Variants in XKR6 observed in about 807,000 individuals in gnomAD.
The protein encoded by XKR6 is XK-related protein 6.
XKR6 carries 22 observed loss-of-function variants against 56.7 expected under a neutral mutation model. That is an observed-to-expected ratio of 0.39 (90% CI 0.28 to 0.55). The LOEUF is 0.55. XKR6 is among the 20% of genes least tolerant of loss of function. The probability of loss-of-function intolerance (pLI) is 0.66; values close to 1 mark genes in which losing one functional copy is unlikely to be tolerated. For missense variants in XKR6, 852 were observed against 889.0 expected (o/e 0.96, Z 0.53); for synonymous variants, 524 against 387.8 (o/e 1.35, Z -4.13).
chr8:11,163,392 C>G (rs1801916187), intron 1 of XKR6, among the ~76,000 whole-genome samples: 1 of 150,034 alleles, frequency 6.7e-6, no homozygotes, highest in Non-Finnish European at 1.5e-5. Flanking sequence ...ACATCAGAGA[C>G]TTTATCTCTT....
At chr8:11,164,032 C>T (rs987251363) in intron 1 of XKR6, among the ~76,000 whole-genome samples, 15 of 152,170 alleles carry the variant, frequency 9.9e-5, no homozygotes, top group Non-Finnish European at 1.5e-5. Flanking sequence ...TGGGGGGCCA[C>T]TCTCATGCTG....
chr8:10,904,610 G>A (rs573729849), intron 2 of XKR6, among the ~76,000 whole-genome samples: 68 of 152,126 alleles, frequency 4.5e-4, no homozygotes, highest in Non-Finnish European at 8.7e-4. Context: ...GAGGTGCCAC[G>A]GAAGGGGTCA....
chr8:11,046,044 T>A (rs888552899), intron 1 of XKR6, among the ~76,000 whole-genome samples: 16 of 152,194 alleles, frequency 1.1e-4, no homozygotes, highest in African/African-American at 2.6e-4. Context: ...TCAAAAAAGT[T>A]AAACAGAGAA....
intron 1 of XKR6, among the ~76,000 whole-genome samples, chr8:11,122,374 G>C (rs1169654348): frequency 1.3e-5 from 2 of 152,214 alleles, no homozygotes; most frequent in African/African-American, 2.4e-5. Flanking sequence ...ACACTAACCA[G>C]AGATAGAATA....
At chr8:11,076,089 T>C (rs1800267107) in intron 1 of XKR6, among the ~76,000 whole-genome samples, 1 of 152,192 alleles carries the variant, frequency 6.6e-6, no homozygotes, top group Non-Finnish European at 1.5e-5. Flanking sequence ...CGAACCTCGA[T>C]GATAGTATGC....
chr8:11,171,442 A>G (rs140089141), intron 1 of XKR6, among the ~76,000 whole-genome samples: 6 of 152,344 alleles, frequency 3.9e-5, no homozygotes, highest in African/African-American at 1.4e-4. Flanking sequence ...TTGAAATTTC[A>G]TCTCCAGTAC....
At chr8:10,992,507 C>T (rs1450233144) in intron 1 of XKR6, among the ~76,000 whole-genome samples, 1 of 152,160 alleles carries the variant, frequency 6.6e-6, no homozygotes, top group Non-Finnish European at 1.5e-5. Flanking sequence ...TTCCTTCAGA[C>T]AGTGAGAAAC....
intron 1 of XKR6, among the ~76,000 whole-genome samples, chr8:10,999,457 A>G (rs973060324): frequency 4.9e-4 from 75 of 152,370 alleles, no homozygotes; most frequent in African/African-American, 1.8e-3. Context: ...GTTTCTGGAT[A>G]GTGGACTTAC....
chr8:11,145,000 A>T (rs974652916), intron 1 of XKR6, among the ~76,000 whole-genome samples: 2 of 139,560 alleles, frequency 1.4e-5, no homozygotes, highest in Non-Finnish European at 3.1e-5. Flanking sequence ...AGAAAGGGAG[A>T]AGGGAGGGAG....
chr8:11,052,683 C>T (rs13269236), intron 1 of XKR6, among the ~76,000 whole-genome samples: 14 of 152,052 alleles, frequency 9.2e-5, no homozygotes, highest in Non-Finnish European at 1.8e-4. Context: ...TGAGTTAAAG[C>T]TGGTGTCCTC....
At position 10,973,350 on chromosome 8, in the gene XKR6, A is replaced by G. The variant is rs535026728; in HGVS notation, c.765-48520T>C. Among the ~76,000 whole-genome samples the G allele has an allele frequency of 2.0e-5, 3 of 152,316 alleles. No individual in the cohort carries two copies. In the East Asian group the frequency reaches 5.8e-4, roughly 29 times the overall value. ...CTGAAAACCTGCAAGGGGTTCCCCT[A>G]AATGGGTTCCATGGGTTCCCTGGCC... On this transcript the variant is annotated intron_variant, in intron 1 of 2. Transcript: ENST00000416569.
intron 1 of XKR6, among the ~76,000 whole-genome samples, chr8:10,977,959 A>C (rs1443675681): frequency 6.6e-6 from 1 of 152,202 alleles, no homozygotes; most frequent in Non-Finnish European, 1.5e-5. Context: ...TTTGGAGCAG[A>C]AACTGTCACC....
At chr8:11,197,206 C>T (rs906137256) in intron 1 of XKR6, among the ~76,000 whole-genome samples, 1 of 152,168 alleles carries the variant, frequency 6.6e-6, no homozygotes, top group Non-Finnish European at 1.5e-5. Context: ...ATTCCTTTTA[C>T]TCTGAAATAG....
rs548673842 is a variant in XKR6 at position 11,083,804 on chromosome 8, G to A, written c.764+116772C>T. Among the ~76,000 whole-genome samples, 363 of 152,266 alleles carry A rather than the reference G, an allele frequency of 2.4e-3. 1 individual carries two copies. Among genetic ancestry groups the A allele is most frequent in the Non-Finnish European group, 4.2e-3 (284 of 68,020 alleles). On this transcript the variant is annotated intron_variant, in intron 1 of 2. Transcript: ENST00000416569. ...ACACCACCATATCAGGAAGTGATTT[G>A]AATGTATTAAGAAAGAGAACATGGA...
chr8:10,927,069 G>A (rs1428736712), intron 1 of XKR6, among the ~76,000 whole-genome samples: 1 of 152,218 alleles, frequency 6.6e-6, no homozygotes, highest in Non-Finnish European at 1.5e-5. Flanking sequence ...GCCTGGAAGA[G>A]ATGATGGCAG....
At chr8:11,110,043 G>A (rs745306082) in intron 1 of XKR6, among the ~76,000 whole-genome samples, 5 of 152,118 alleles carry the variant, frequency 3.3e-5, no homozygotes, top group Non-Finnish European at 5.9e-5. Context: ...CACAATCTCG[G>A]CTTACTGCAG....
intron 1 of XKR6, among the ~76,000 whole-genome samples, chr8:11,065,562 T>C (rs1799955094): frequency 1.3e-5 from 2 of 152,188 alleles, no homozygotes; most frequent in African/African-American, 4.8e-5. Context: ...TCACTCTATT[T>C]GCATTTTTAC....
intron 1 of XKR6, chr8:11,137,628 A>T (rs949785532): frequency 2.2e-6 from 1 of 456,152 alleles, no homozygotes; most frequent in African/African-American, 2.0e-5. Context: ...CTCAGGAGAC[A>T]ATGAATGGAA....
chr8:10,988,502 C>G (rs1004411027), intron 1 of XKR6, among the ~76,000 whole-genome samples: 1 of 152,230 alleles, frequency 6.6e-6, no homozygotes, highest in African/African-American at 2.4e-5. Context: ...AGAACCCCCA[C>G]TGTCACGTAG....
Sources: gnomAD v4.1 joint callset for allele counts (sites outside exome capture counted in the v4.1 genomes callset) on GRCh38, gnomAD v4.1.1 for gene constraint, MANE v1.5 for transcripts, NCBI Gene and HGNC (gene_info 2026-07-23, HGNC 2026-07-21) for gene names.